The following EXOC4 variants were observed in gnomAD, a reference collection of about 807,000 sequenced individuals.
EXOC4 encodes the protein exocyst complex component 4.
Under a neutral mutation model 107.2 loss-of-function variants are expected in EXOC4, and 71 were observed. The ratio of observed to expected loss-of-function variants is 0.66; its 90% confidence interval spans 0.55 to 0.81. The LOEUF is 0.81. EXOC4 is among the 30% of genes least tolerant of loss of function. The pLI is 0.00. For missense variants in EXOC4, 1,108 were observed against 1,189.6 expected, an observed-to-expected ratio of 0.93 and a Z score of 1.01; for synonymous variants, 456 against 441.2, an observed-to-expected ratio of 1.03 and a Z score of -0.42.
chr7:133,981,058 A>G (rs1455696794), intron 14 of EXOC4, among the ~76,000 whole-genome samples: 1 of 152,138 alleles, frequency 6.6e-6, no homozygotes, highest in Non-Finnish European at 1.5e-5. Flanking sequence ...CTGAGTAGAA[A>G]TTGTCTTAGC....
chr7:133,338,563 G>A lies in EXOC4; in HGVS notation c.764-17767G>A, dbSNP rs533043437. 1.0e-3 allele frequency among the ~76,000 whole-genome samples: 122 copies of A among 122,490 alleles called. 2 individuals carry two copies. Among genetic ancestry groups the A allele is most frequent in the African/African-American group, 2.9e-3 (96 of 32,894 alleles). 80.4% of individuals were successfully genotyped at this position (122,490 alleles called of 152,430 possible). A position where few individuals can be genotyped will look rare whatever the true frequency, so the allele number is the denominator to read the frequency against. Reference sequence around the variant, plus strand: ...AGCCGAGATTGCGCCACTGCAGTCCGCAGTCCGACCTGGGCGCCAGAGCGA... The same window carrying A: ...AGCCGAGATTGCGCCACTGCAGTCCACAGTCCGACCTGGGCGCCAGAGCGA... On this transcript the variant is annotated intron_variant, in intron 5 of 17. Transcript: ENST00000253861.
At chr7:133,793,127 A>G (rs181045919) in intron 10 of EXOC4, among the ~76,000 whole-genome samples, 1 of 152,310 alleles carries the variant, frequency 6.6e-6, no homozygotes. Flanking sequence ...GCAAATTAAG[A>G]CATTTAGTAA....
intron 10 of EXOC4, among the ~76,000 whole-genome samples, chr7:133,816,397 C>T (rs971174933): frequency 2.6e-5 from 4 of 152,242 alleles, no homozygotes; most frequent in South Asian, 2.1e-4. Context: ...TGAGACTTGA[C>T]AATCATTAAC....
chr7:133,359,107 C>G (rs1004769365), intron 6 of EXOC4, among the ~76,000 whole-genome samples: 1 of 152,072 alleles, frequency 6.6e-6, no homozygotes, highest in Non-Finnish European at 1.5e-5. Context: ...CAAAATAGTA[C>G]AGAGAAAGCA....
intron 11 of EXOC4, among the ~76,000 whole-genome samples, chr7:133,872,517 T>C (rs1445729641): frequency 6.6e-6 from 1 of 151,996 alleles, no homozygotes; most frequent in Non-Finnish European, 1.5e-5. Flanking sequence ...CCCTCATTGC[T>C]AGAACAAAAG....
chr7:133,678,730 G>T (rs746500710), intron 10 of EXOC4, among the ~76,000 whole-genome samples: 20 of 151,728 alleles, frequency 1.3e-4, no homozygotes, highest in Non-Finnish European at 2.4e-4. Context: ...CCTGCCTCAG[G>T]CTCCCAGGTG....
chr7:133,873,469 G>C (rs151336130), intron 11 of EXOC4, among the ~76,000 whole-genome samples: 1 of 152,198 alleles, frequency 6.6e-6, no homozygotes, highest in African/African-American at 2.4e-5. Context: ...GGAAAGTGAC[G>C]TCAAAGTAGT....
intron 7 of EXOC4, among the ~76,000 whole-genome samples, chr7:133,379,951 C>T (rs1796576020): frequency 6.6e-6 from 1 of 151,896 alleles, no homozygotes; most frequent in Non-Finnish European, 1.5e-5. Context: ...GTTTTTCTGG[C>T]ATATTAAATG....
chr7:133,279,310 T>C (rs1023149294), intron 2 of EXOC4, among the ~76,000 whole-genome samples: 1 of 152,162 alleles, frequency 6.6e-6, no homozygotes, highest in Admixed American at 6.5e-5. Flanking sequence ...AGCAGCATGA[T>C]TTATAATCCT....
intron 9 of EXOC4, among the ~76,000 whole-genome samples, chr7:133,581,401 A>G (rs1693193339): frequency 6.6e-6 from 1 of 152,220 alleles, no homozygotes; most frequent in African/African-American, 2.4e-5. Context: ...GATGATAAGC[A>G]TAGTACCCAC....
At chr7:133,830,977 T>C (rs1277969958) in intron 11 of EXOC4, among the ~76,000 whole-genome samples, 1 of 152,114 alleles carries the variant, frequency 6.6e-6, no homozygotes, top group African/African-American at 2.4e-5. Flanking sequence ...TTTGTTTGTT[T>C]GTTTTGAGAC....
intron 2 of EXOC4, among the ~76,000 whole-genome samples, chr7:133,282,108 A>G (rs1794170371): frequency 6.6e-6 from 1 of 152,152 alleles, no homozygotes; most frequent in Admixed American, 6.5e-5. Flanking sequence ...CCTCTCACAA[A>G]TGCTAAGGCA....
chr7:133,397,158 C>T (rs1295586700), intron 7 of EXOC4, among the ~76,000 whole-genome samples: 1 of 147,608 alleles, frequency 6.8e-6, no homozygotes, highest in Admixed American at 6.8e-5. Flanking sequence ...GACGGAATTT[C>T]GCTCTTGTTG....
rs368889407 is a variant in EXOC4 at position 133,288,904 on chromosome 7, G to A, written c.277-18G>A. The stretch of plus-strand genomic sequence containing the variant: ...CAAGACTTTGGACTGACCCAAGACC[G>A]AATCTGTTTTATTGTAGGTAAAAGA... On this transcript the variant is annotated intron_variant, in intron 2 of 17. Coordinates refer to ENST00000253861, the MANE Select transcript of EXOC4 (RefSeq NM_021807.4). 60 of 1,611,914 alleles carry A rather than the reference G, an allele frequency of 3.7e-5. No homozygotes were observed. The highest frequency in any genetic ancestry group is 1.5e-4 in the Admixed American group (9 of 59,956).
At chr7:133,828,588 C>T (rs1457244775) in intron 11 of EXOC4, among the ~76,000 whole-genome samples, 2 of 152,166 alleles carry the variant, frequency 1.3e-5, no homozygotes, top group Non-Finnish European at 2.9e-5. Flanking sequence ...ATTAACATTT[C>T]AAGTAAAGCA....
chr7:133,494,821 T>C (rs955571718), intron 9 of EXOC4, among the ~76,000 whole-genome samples: 31 of 152,224 alleles, frequency 2.0e-4, no homozygotes, highest in Admixed American at 4.6e-4. Flanking sequence ...GCAAGTATAA[T>C]GCCCAAGAGG....
At chr7:133,359,243 A>C (rs7807990) in intron 6 of EXOC4, among the ~76,000 whole-genome samples, 47,067 of 151,690 alleles carry the variant, frequency 0.31, 8,391 homozygotes, top group African/African-American at 0.5. Context: ...TAAAACTTTC[A>C]AGGAATTAAT....
At chr7:133,351,210 G>A (rs1389526509) in intron 5 of EXOC4, among the ~76,000 whole-genome samples, 1 of 151,966 alleles carries the variant, frequency 6.6e-6, no homozygotes, top group African/African-American at 2.4e-5. Context: ...TCAGGGCAAT[G>A]CTGGCCTCAT....
At chr7:133,515,082 A>G (rs1298128937) in intron 9 of EXOC4, among the ~76,000 whole-genome samples, 1 of 152,116 alleles carries the variant, frequency 6.6e-6, no homozygotes, top group Non-Finnish European at 1.5e-5. Context: ...CATCTCTACA[A>G]GATAGTTTAT....
Sources: gnomAD v4.1 joint callset for allele counts (sites outside exome capture counted in the v4.1 genomes callset) on GRCh38, gnomAD v4.1.1 for gene constraint, MANE v1.5 for transcripts, NCBI Gene and HGNC (gene_info 2026-07-23, HGNC 2026-07-21) for gene names.